Variants in L3MBTL4 observed in about 807,000 individuals in gnomAD.
L3MBTL4 encodes L3MBTL histone methyl-lysine binding protein 4.
In L3MBTL4, 70 loss-of-function variants were observed where a neutral mutation model predicts 84.5. The ratio of observed to expected loss-of-function variants is 0.83; its 90% confidence interval spans 0.68 to 1.01. The LOEUF (loss-of-function observed/expected upper bound fraction) is 1.01, where lower values mean the gene tolerates loss of function less well. Among genes scored for constraint, L3MBTL4 ranks in the 50% least tolerant of loss-of-function variants. L3MBTL4 has a pLI of 0.00. For missense variants in L3MBTL4, 715 were observed against 754.8 expected (o/e 0.95, Z 0.62); for synonymous variants, 274 against 259.8 (o/e 1.05, Z -0.52).
rs540562424 is a variant in L3MBTL4, at chr18:6,249,909, C to G, written c.220-5321G>C. ...AAGGGTGAATAAACTTTCTCTAGGT[C>G]ACACAGCTAGTTTAGTAGCCTAGTA... On this transcript the variant is annotated intron_variant, in intron 5 of 18. Transcript: ENST00000317931. Among the ~76,000 whole-genome samples the G allele has an allele frequency of 5.9e-5, 9 of 152,258 alleles. No individual in the cohort carries two copies. In the South Asian group the frequency reaches 1.9e-3, roughly 32 times the overall value.
chr18:5,975,972 A>G (rs1381027281), intron 16 of L3MBTL4, among the ~76,000 whole-genome samples: 1 of 152,260 alleles, frequency 6.6e-6, no homozygotes, highest in African/African-American at 2.4e-5. Flanking sequence ...CATCACAAGC[A>G]GTCTCTTAAC....
chr18:6,251,854 G>A (rs1165091102), intron 5 of L3MBTL4, among the ~76,000 whole-genome samples: 1 of 152,096 alleles, frequency 6.6e-6, no homozygotes, highest in Non-Finnish European at 1.5e-5. Flanking sequence ...TATAAATAAA[G>A]GTAGCACTGC....
intron 14 of L3MBTL4, among the ~76,000 whole-genome samples, chr18:6,119,168 A>G (rs1458302828): frequency 1.3e-5 from 2 of 148,744 alleles, no homozygotes; most frequent in Non-Finnish European, 3.0e-5. Flanking sequence ...AAGAGAGAGC[A>G]CTGGTTTATT....
chr18:6,094,530 T>C (rs528515220), intron 14 of L3MBTL4, among the ~76,000 whole-genome samples: 147 of 152,282 alleles, frequency 9.7e-4, no homozygotes, highest in Non-Finnish European at 1.7e-3. Context: ...CGGCTACACC[T>C]AGAGGAGCAC....
At chr18:6,188,024 C>T (rs1724313795) in intron 12 of L3MBTL4, among the ~76,000 whole-genome samples, 1 of 151,894 alleles carries the variant, frequency 6.6e-6, no homozygotes, top group Admixed American at 6.6e-5. Flanking sequence ...TCATTGTTGT[C>T]CAGCTGAATG....
At chr18:6,019,641 G>C (rs2055160920) in intron 16 of L3MBTL4, among the ~76,000 whole-genome samples, 1 of 152,118 alleles carries the variant, frequency 6.6e-6, no homozygotes, top group Non-Finnish European at 1.5e-5. Context: ...CTACAGTTTT[G>C]TAAAGTGAGG....
At chr18:6,103,215 C>A (rs1274438604) in intron 14 of L3MBTL4, among the ~76,000 whole-genome samples, 3 of 152,138 alleles carry the variant, frequency 2.0e-5, no homozygotes, top group African/African-American at 7.2e-5. Flanking sequence ...CTAAATTAAA[C>A]AAATGAAGTT....
intron 16 of L3MBTL4, among the ~76,000 whole-genome samples, chr18:6,061,007 A>G (rs555181617): frequency 3.9e-5 from 6 of 152,240 alleles, no homozygotes; most frequent in Admixed American, 3.9e-4. Context: ...TTTTAAATTC[A>G]TTTGCATAAA....
rs148336024 is a variant in L3MBTL4 at position 6,090,882 on chromosome 18, C to T, written c.1373+2473G>A. ...GGATATTCTAATGTGACAAATGTTG[C>T]TTGTATAAAAAAATTACAGAAGGCC... On this transcript the variant is annotated intron_variant, in intron 15 of 18. Transcript: ENST00000317931. Among the ~76,000 whole-genome samples the T allele has an allele frequency of 2.2e-3, 332 of 149,830 alleles. 2 individuals are homozygous for T. Among genetic ancestry groups the T allele is most frequent in the South Asian group, 6.5e-3 (31 of 4,768 alleles).
At chr18:6,377,531 T>C (rs1191473665) in intron 1 of L3MBTL4, among the ~76,000 whole-genome samples, 2 of 152,182 alleles carry the variant, frequency 1.3e-5, no homozygotes, top group African/African-American at 4.8e-5. Flanking sequence ...GTCCATGTGT[T>C]CTCATTGTTC....
intron 14 of L3MBTL4, among the ~76,000 whole-genome samples, chr18:6,097,583 A>G (rs911311275): frequency 7.9e-5 from 12 of 152,052 alleles, no homozygotes; most frequent in Admixed American, 7.9e-4. Context: ...TATTCCCAGG[A>G]CTTATCCTGA....
At chr18:6,095,351 T>TTTTTTG (rs1472067705) in intron 14 of L3MBTL4, among the ~76,000 whole-genome samples, 16 of 145,538 alleles carry the variant, frequency 1.1e-4, no homozygotes, top group African/African-American at 4.3e-4. Flanking sequence ...ACATGGTTTT[T>TTTTTTG]TTTTTTTTTT....
At position 6,263,992 on chromosome 18, in the gene L3MBTL4, C is replaced by G; in HGVS notation, c.174G>C (p.Leu58Phe). The change falls in exon 5 of 19, where the codon TTG (leucine) becomes TTC (phenylalanine). Residue 58 changes from leucine to phenylalanine, a missense_variant. Transcript: ENST00000317931. ...GTGCTGCGACAGCCTTCTGTTCTTT[C>G]AAGTACCACTCCCAAGACCATGCTC... is the stretch of plus-strand genomic sequence containing the variant. ...AQGAWSWEWYLKEQKAVAAPV... is the reference protein window; with the variant it reads ...AQGAWSWEWYFKEQKAVAAPV... 6.2e-7 allele frequency: 1 copy of G among 1,614,108 alleles called. No individual in the cohort carries two copies. Among genetic ancestry groups the G allele is most frequent in the Non-Finnish European group, 8.5e-7 (1 of 1,179,940 alleles).
intron 5 of L3MBTL4, among the ~76,000 whole-genome samples, chr18:6,261,788 A>T (rs1254647227): frequency 6.6e-6 from 1 of 152,194 alleles, no homozygotes; most frequent in Non-Finnish European, 1.5e-5. Context: ...GGCTTAAAGG[A>T]TCTCAGAGAA....
At chr18:6,362,965 CCGT>C (rs2053774661) in intron 1 of L3MBTL4, among the ~76,000 whole-genome samples, 1 of 152,214 alleles carries the variant, frequency 6.6e-6, no homozygotes, top group African/African-American at 2.4e-5. Context: ...CACTCATCTA[CCGT>C]GAACCGCAGA....
Position 6,253,030 on chromosome 18 carries a change from C to T in L3MBTL4, c.220-8442G>A, listed in dbSNP as rs2047993053. Among the ~76,000 whole-genome samples the T allele has an allele frequency of 2.6e-5, 4 of 152,154 alleles. No homozygotes were observed. In the South Asian group the frequency reaches 6.2e-4, roughly 24 times the overall value. The stretch of plus-strand genomic sequence containing the variant: ...CATCCTGGCCAACGTGGTGAAACCC[C>T]GTCTCTACTAAAAATACAAAAATTA... On this transcript the variant is annotated intron_variant, in intron 5 of 18. Coordinates refer to ENST00000317931, the MANE Select transcript of L3MBTL4 (RefSeq NM_001330559.2).
chr18:6,237,904 A>C, intron 10 of L3MBTL4, 60 bp downstream of exon 10: 1 of 1,279,328 alleles, frequency 7.8e-7, no homozygotes, highest in East Asian at 2.3e-5. Flanking sequence ...AACAAAATAA[A>C]AATGAGGACT....
At chr18:6,079,322 A>G (rs943465075) in intron 16 of L3MBTL4, among the ~76,000 whole-genome samples, 6 of 152,138 alleles carry the variant, frequency 3.9e-5, no homozygotes, top group African/African-American at 1.4e-4. Flanking sequence ...CGTGTGCTCC[A>G]CCTAAGGCCG....
At chr18:6,036,896 T>C (rs1275404389) in intron 16 of L3MBTL4, among the ~76,000 whole-genome samples, 1 of 152,204 alleles carries the variant, frequency 6.6e-6, no homozygotes, top group Admixed American at 6.5e-5. Flanking sequence ...ACATAGTCAT[T>C]TTCTAACTTC....
Sources: allele counts gnomAD v4.1 joint callset (sites outside exome capture counted in the v4.1 genomes callset), GRCh38; gene constraint gnomAD v4.1.1; transcripts MANE v1.5; gene names NCBI Gene and HGNC (gene_info 2026-07-23, HGNC 2026-07-21).